The following ARHGEF2 variants were observed in gnomAD, a reference collection of about 807,000 sequenced individuals.
ARHGEF2 encodes the protein rho guanine nucleotide exchange factor 2.
A neutral mutation model predicts 121.0 loss-of-function variants in ARHGEF2; 22 were observed. The ratio of observed to expected loss-of-function variants is 0.18; its 90% CI spans 0.13 to 0.26. ARHGEF2 has a LOEUF of 0.26. ARHGEF2 is among the 10% of genes least tolerant of loss of function. ARHGEF2 has a pLI of 1.00. For missense variants in ARHGEF2, 907 were observed against 1,336.0 expected (o/e 0.68, Z 5.01); for synonymous variants, 487 against 530.0 (o/e 0.92, Z 1.11).
intron 7 of ARHGEF2, among the ~76,000 whole-genome samples, chr1:155,964,195 T>G (rs1260723745): frequency 8.2e-6 from 1 of 121,424 alleles, no homozygotes; most frequent in African/African-American, 3.3e-5. Flanking sequence ...TATATATATA[T>G]ATACATATAT....
rs547716664 is a variant in ARHGEF2, at chr1:155,961,426, C to T, written c.1468+235G>A. 1.3e-5 allele frequency among the ~76,000 whole-genome samples: 2 copies of T among 152,104 alleles called. No homozygotes were observed. The highest frequency in any genetic ancestry group is 3.9e-4 in the East Asian group (2 of 5,192). ...AGTAGCTGGGACTATAGGCGCCCACCACCACGCCCGGCGAATTTTTTGTAT... is the reference window on the plus strand; with the variant it reads ...AGTAGCTGGGACTATAGGCGCCCACTACCACGCCCGGCGAATTTTTTGTAT... On this transcript the variant is annotated intron_variant, in intron 11 of 21. Coordinates refer to ENST00000361247, the MANE Select transcript of ARHGEF2 (RefSeq NM_001162383.2). This position sits in a 1 kb window ranked among gnomAD's most constrained non-coding sequence, Gnocchi z 4.7.
chr1:155,971,156 C>T, intron 1 of ARHGEF2: 1 of 969,220 alleles, frequency 1.0e-6, no homozygotes, highest in Non-Finnish European at 1.2e-6. Context: ...CCTCTAGCCT[C>T]TAACTCAAAC....
At chr1:155,953,265 CAAA>C (rs71827896) in intron 14 of ARHGEF2, among the ~76,000 whole-genome samples, 4 of 133,818 alleles carry the variant, frequency 3.0e-5, no homozygotes, top group Non-Finnish European at 3.1e-5. Context: ...GACTCTGTCT[CAAA>C]AAAAAAAAAA....
chr1:155,950,885 G>A lies in ARHGEF2; in HGVS notation c.2647C>T (p.Arg883Trp). Residue 883 changes from arginine to tryptophan, a missense_variant, in exon 20 of 22, where the codon CGG becomes TGG. By Grantham distance (101) the Arg-to-Trp change is moderately radical. This residue lies in a region of ARHGEF2 where 432 missense variants were observed against 559.5 expected (regional missense o/e 0.77). Coordinates refer to ENST00000361247, the MANE Select transcript of ARHGEF2 (RefSeq NM_001162383.2). The surrounding 1 kb of genome is among the most constrained non-coding windows in gnomAD (Gnocchi z 5.2). Reference protein sequence around the residue: ...APWARRPVDPRRRSLPAGDAL... With the variant: ...APWARRPVDPWRRSLPAGDAL... Reference sequence around the variant, plus strand: ...TCGCCTGCGGGGAGGCTGCGCCGCCGAGGATCCACAGGTCTGCGGGCCCAG... The same window carrying A: ...TCGCCTGCGGGGAGGCTGCGCCGCCAAGGATCCACAGGTCTGCGGGCCCAG... 1 of 1,565,920 alleles carries A rather than the reference G, an allele frequency of 6.4e-7. No individual in the cohort carries two copies. The highest frequency in any genetic ancestry group is 8.6e-7 in the Non-Finnish European group (1 of 1,156,808).
intron 15 of ARHGEF2, among the ~76,000 whole-genome samples, 158 bp from the exon 16 acceptor site, chr1:155,952,393 G>A (rs1675671858): frequency 6.6e-6 from 1 of 152,260 alleles, no homozygotes; most frequent in Non-Finnish European, 1.5e-5. Context: ...GTAAAGGGCA[G>A]TAAATGCCTA....
Position 155,951,875 on chromosome 1 carries a change from T to A in ARHGEF2, c.2172+44A>T. On this transcript the variant is annotated intron_variant, in intron 17 of 21. Coordinates refer to ENST00000361247, the MANE Select transcript of ARHGEF2 (RefSeq NM_001162383.2). This position sits in a 1 kb window ranked among gnomAD's most constrained non-coding sequence, Gnocchi z 5.1. ...TGAGGATCCAGAGGCTGGCTGTCCC[T>A]CTCCCACCCTCTTGCCAAGTCCCAG... 6.2e-7 allele frequency: 1 copy of A among 1,612,530 alleles called. No individual in the cohort carries two copies. The highest frequency in any genetic ancestry group is 8.5e-7 in the Non-Finnish European group (1 of 1,179,192).
In ARHGEF2 at chr1:155,978,214, C is replaced by T. The variant is rs961765656; in HGVS notation, c.63+151G>A. The T allele has an allele frequency of 9.9e-6, 13 of 1,311,376 alleles. No individual in the cohort carries two copies. In the African/African-American group the frequency reaches 2.0e-4, roughly 20 times the overall value. The allele number at this position is 1,311,376 out of a possible 1,614,324, so 81.2% of individuals were successfully genotyped here. On this transcript the variant is annotated intron_variant, in intron 1 of 21. Coordinates refer to ENST00000361247, the MANE Select transcript of ARHGEF2 (RefSeq NM_001162383.2). This position sits in a 1 kb window ranked among gnomAD's most constrained non-coding sequence, Gnocchi z 4.1. The stretch of plus-strand genomic sequence containing the variant: ...CCCCTACCCACTCGCTCGCAGTCCC[C>T]ACCCACCCCGTCCCGCCGCTCGCCG...
At chr1:155,969,548 T>C (rs997027984) in intron 1 of ARHGEF2, 33 of 1,347,690 alleles carry the variant, frequency 2.4e-5, no homozygotes, top group Non-Finnish European at 3.1e-5. Context: ...CCCCTACGGC[T>C]GGGCTGCCTC....
intron 21 of ARHGEF2, among the ~76,000 whole-genome samples, chr1:155,949,045 C>T (rs1183104977): frequency 6.6e-6 from 1 of 150,972 alleles, no homozygotes; most frequent in Non-Finnish European, 1.5e-5. Flanking sequence ...GCCAGGAGTT[C>T]GAGACCAGCC....
rs756870615 is a variant in ARHGEF2, at chr1:155,951,436, C to G, written c.2259+47G>C. On this transcript the variant is annotated intron_variant, in intron 19 of 21. Transcript: ENST00000361247. This position sits in a 1 kb window ranked among gnomAD's most constrained non-coding sequence, Gnocchi z 5.1. Reference sequence around the variant, plus strand: ...CCATGCCCCACCTAAACAGGCATCTCTAGCCTGGCTCCTCCCCTTCCCCAT... The same window carrying G: ...CCATGCCCCACCTAAACAGGCATCTGTAGCCTGGCTCCTCCCCTTCCCCAT... The G allele has an allele frequency of 4.3e-6, 7 of 1,611,638 alleles. No homozygotes were observed. The East Asian group carries it at 1.1e-4, about 26-fold the overall frequency.
chr1:155,952,848 G>A lies in ARHGEF2; in HGVS notation c.1784-20C>T. 6.2e-7 allele frequency: 1 copy of A among 1,613,326 alleles called. No homozygotes were observed. ...ACTCCACTGCAGATAAGGAACAAGT[G>A]AGGACATGAGAGGACGTAGGGGTAT... On this transcript the variant is annotated intron_variant, in intron 14 of 21. Coordinates refer to ENST00000361247, the MANE Select transcript of ARHGEF2 (RefSeq NM_001162383.2).
rs1675104872 is a variant in ARHGEF2 at position 155,950,087 on chromosome 1, A to C, written c.2887+212T>G. Reference sequence around the variant, plus strand: ...AAAAAAGAATCTGTTTTTACTTCTAAAGGTTGGGAATCACCAACCAGTTGG... The same window carrying C: ...AAAAAAGAATCTGTTTTTACTTCTACAGGTTGGGAATCACCAACCAGTTGG... On this transcript the variant is annotated intron_variant, in intron 21 of 21. Coordinates refer to ENST00000361247, the MANE Select transcript of ARHGEF2 (RefSeq NM_001162383.2). This position sits in a 1 kb window ranked among gnomAD's most constrained non-coding sequence, Gnocchi z 5.2. Among the ~76,000 whole-genome samples the C allele has an allele frequency of 6.6e-6, 1 of 152,126 alleles. No homozygotes were observed. Among genetic ancestry groups the C allele is most frequent in the Non-Finnish European group, 1.5e-5 (1 of 68,020 alleles).
chr1:155,954,090 T>G (rs1456288002), intron 14 of ARHGEF2, among the ~76,000 whole-genome samples: 1 of 150,286 alleles, frequency 6.7e-6, no homozygotes. Flanking sequence ...GCCTCCCGAG[T>G]AGCCAGGACT....
At chr1:155,967,815 C>G (rs1679716741) in intron 2 of ARHGEF2, among the ~76,000 whole-genome samples, 1 of 152,164 alleles carries the variant, frequency 6.6e-6, no homozygotes, top group South Asian at 2.1e-4. Flanking sequence ...TCCCGGCCCT[C>G]TCCAGCTTCC....
chr1:155,966,360 T>G (rs1269599918), intron 4 of ARHGEF2, 56 bp downstream of exon 4: 2 of 1,573,874 alleles, frequency 1.3e-6, no homozygotes, highest in Non-Finnish European at 1.7e-6. Flanking sequence ...GCCCATGGGT[T>G]GAGCAGCCTG....
At chr1:155,971,329 G>A (rs1680411155) in intron 1 of ARHGEF2, among the ~76,000 whole-genome samples, 1 of 152,082 alleles carries the variant, frequency 6.6e-6, no homozygotes, top group Non-Finnish European at 1.5e-5. Context: ...TGCAATCCCA[G>A]CACTTTGGGA....
chr1:155,951,904 C>T lies in ARHGEF2; in HGVS notation c.2172+15G>A. 1 of 1,613,990 alleles carries T rather than the reference C, an allele frequency of 6.2e-7. No homozygotes were observed. The highest frequency in any genetic ancestry group is 1.3e-5 in the African/African-American group (1 of 75,042). ...CCACCCTCTTGCCAAGTCCCAGAAC[C>T]TCTTGAGGACCTACCCTCTGGCTAG... On this transcript the variant is annotated intron_variant, in intron 17 of 21. Transcript: ENST00000361247. The surrounding 1 kb of genome is among the most constrained non-coding windows in gnomAD (Gnocchi z 5.1).
chr1:155,977,065 G>C (rs1681429222), intron 1 of ARHGEF2, among the ~76,000 whole-genome samples: 1 of 152,114 alleles, frequency 6.6e-6, no homozygotes, highest in Admixed American at 6.5e-5. Flanking sequence ...GGAGGGGAGG[G>C]CTTTCCATCA....
Position 155,961,593 on chromosome 1 carries a change from G to C in ARHGEF2, c.1468+68C>G. 1.3e-6 allele frequency: 2 copies of C among 1,562,998 alleles called. No individual in the cohort carries two copies. The highest frequency in any genetic ancestry group is 1.7e-6 in the Non-Finnish European group (2 of 1,156,744). ...CCCGGCCAAGAGAGGTTGATTCTAA[G>C]ACCTGCAGGCATCTCCCACTCTCCA... is the stretch of plus-strand genomic sequence containing the variant. On this transcript the variant is annotated intron_variant, in intron 11 of 21. Transcript: ENST00000361247. This position sits in a 1 kb window ranked among gnomAD's most constrained non-coding sequence, Gnocchi z 4.7.
Sources: gnomAD v4.1 joint callset for allele counts (sites outside exome capture counted in the v4.1 genomes callset) on GRCh38, gnomAD v4.1.1 for gene constraint, gnomAD v4.1.1 regional missense constraint, Gnocchi (gnomAD v3.1) non-coding constraint, MANE v1.5 for transcripts, NCBI Gene and HGNC (gene_info 2026-07-23, HGNC 2026-07-21) for gene names.